The following CDC37L1 variants were observed in gnomAD, a reference collection of about 807,000 sequenced individuals.
CDC37L1 encodes the protein hsp90 co-chaperone Cdc37-like 1.
CDC37L1 carries 32 observed loss-of-function variants against 45.9 expected under a neutral mutation model. That is an observed-to-expected ratio of 0.70 (90% CI 0.53 to 0.94). CDC37L1 has a LOEUF of 0.94. CDC37L1 is among the 40% of genes least tolerant of loss of function. The pLI is 0.00. For synonymous variants in CDC37L1, 150 were observed against 133.0 expected, an observed-to-expected ratio of 1.13 and a Z score of -0.88; for missense variants, 434 against 405.7, an observed-to-expected ratio of 1.07 and a Z score of -0.60.
intron 6 of CDC37L1, among the ~76,000 whole-genome samples, chr9:4,702,753 G>T (rs185273625): frequency 4.0e-4 from 60 of 151,846 alleles, no homozygotes; most frequent in Admixed American, 7.2e-4. Flanking sequence ...GCCGGGCGTG[G>T]TGGCAGGCAC....
intron 3 of CDC37L1, among the ~76,000 whole-genome samples, chr9:4,690,864 G>C (rs935611337): frequency 6.6e-6 from 1 of 152,232 alleles, no homozygotes; most frequent in Non-Finnish European, 1.5e-5. Context: ...AAATGTTCAT[G>C]TGTTTTATTT....
chr9:4,699,307 TCA>T (rs1190473621), intron 5 of CDC37L1, among the ~76,000 whole-genome samples: 1 of 152,184 alleles, frequency 6.6e-6, no homozygotes, highest in Non-Finnish European at 1.5e-5. Context: ...AGGGAAATAC[TCA>T]CAGATTTTGT....
intron 2 of CDC37L1, among the ~76,000 whole-genome samples, chr9:4,686,155 T>C (rs1451656329): frequency 6.6e-6 from 1 of 152,102 alleles, no homozygotes; most frequent in Non-Finnish European, 1.5e-5. Flanking sequence ...TGGGCAACAG[T>C]GAAACACATC....
At chr9:4,694,228 C>G (rs554640429) in intron 3 of CDC37L1, among the ~76,000 whole-genome samples, 197 of 152,070 alleles carry the variant, frequency 1.3e-3, no homozygotes, top group African/African-American at 4.7e-3. Context: ...TACAAGTGTA[C>G]TCCGCCATGC....
chr9:4,681,082 C>A (rs947049884), intron 1 of CDC37L1, among the ~76,000 whole-genome samples: 1 of 152,000 alleles, frequency 6.6e-6, no homozygotes, highest in East Asian at 1.9e-4. Flanking sequence ...CTAGTGTCAT[C>A]TTTATATACA....
At chr9:4,687,678 C>CAAAAAAA (rs59932144) in intron 2 of CDC37L1, among the ~76,000 whole-genome samples, 2 of 58,390 alleles carry the variant, frequency 3.4e-5, no homozygotes, top group East Asian at 5.0e-4. Flanking sequence ...GACCCCATCT[C>CAAAAAAA]AAAAAAAAAA....
At position 4,681,318 on chromosome 9, in the gene CDC37L1, CT is replaced by C. The variant is rs1307556786; in HGVS notation, c.132+1420del. Among the ~76,000 whole-genome samples, 4 of 152,150 alleles carry C rather than the reference CT, an allele frequency of 2.6e-5. No homozygotes were observed. In the East Asian group the frequency reaches 5.8e-4, roughly 22 times the overall value. ...AGATTTTAGAAGTGAGTAAGCTTATCTCTCTCATTAAAAGTGTTTTCCCTGA... is the reference window on the plus strand; with the variant it reads ...AGATTTTAGAAGTGAGTAAGCTTATCCTCTCATTAAAAGTGTTTTCCCTGA... On this transcript the variant is annotated intron_variant, in intron 1 of 6. Coordinates refer to ENST00000381854, the MANE Select transcript of CDC37L1 (RefSeq NM_017913.4).
chr9:4,698,056 C>A (rs1231316579), intron 5 of CDC37L1, among the ~76,000 whole-genome samples, 177 bp downstream of exon 5: 1 of 152,032 alleles, frequency 6.6e-6, no homozygotes, highest in African/African-American at 2.4e-5. Context: ...CTTAAAAGAG[C>A]TATATAAGAG....
chr9:4,694,870 A>G (rs903297486), intron 3 of CDC37L1, among the ~76,000 whole-genome samples: 1 of 152,118 alleles, frequency 6.6e-6, no homozygotes, highest in African/African-American at 2.4e-5. Context: ...ACTCCATCTC[A>G]ACAAAAAGAA....
chr9:4,706,247 G>T lies in CDC37L1; in HGVS notation c.*135G>T. 4.3e-6 allele frequency: 2 copies of T among 469,244 alleles called. No individual in the cohort carries two copies. Among genetic ancestry groups the T allele is most frequent in the African/African-American group, 2.0e-5 (1 of 51,198 alleles). The allele number at this position is 469,244 out of a possible 1,614,324, so 29.1% of individuals were successfully genotyped here. ...GATGGGAGGGAAAGAGTACTGAAAT[G>T]TTTTGTAAATTTTTTTTAATGTGCT... On this transcript the variant is annotated 3_prime_UTR_variant, in exon 7 of 7. Transcript: ENST00000381854.
At chr9:4,686,773 A>C (rs1237529313) in intron 2 of CDC37L1, among the ~76,000 whole-genome samples, 1 of 152,218 alleles carries the variant, frequency 6.6e-6, no homozygotes, top group Admixed American at 6.5e-5. Context: ...CTAGATCTGC[A>C]CTATCCAACT....
In CDC37L1 at chr9:4,708,159, T is replaced by A. The variant is rs1057266099; in HGVS notation, c.*2047T>A. ...TACATAGTTAGCCGTACTTTAGTACTAGAAACAGTAAATTGACATCCTTGA... is the reference window on the plus strand; with the variant it reads ...TACATAGTTAGCCGTACTTTAGTACAAGAAACAGTAAATTGACATCCTTGA... On this transcript the variant is annotated 3_prime_UTR_variant, in exon 7 of 7. Coordinates refer to ENST00000381854, the MANE Select transcript of CDC37L1 (RefSeq NM_017913.4). 4 of 152,248 alleles carry A rather than the reference T, an allele frequency of 2.6e-5. No homozygotes were observed. The highest frequency in any genetic ancestry group is 5.9e-5 in the Non-Finnish European group (4 of 68,040). The allele number at this position is 152,248 out of a possible 1,614,324, so 9.4% of individuals were successfully genotyped here.
chr9:4,686,486 A>C (rs2130844556), intron 2 of CDC37L1, among the ~76,000 whole-genome samples: 1 of 151,116 alleles, frequency 6.6e-6, no homozygotes, highest in African/African-American at 2.4e-5. Flanking sequence ...TTTATATCCC[A>C]AAACTATTGA....
At chr9:4,694,119 C>T (rs1841325594) in intron 3 of CDC37L1, among the ~76,000 whole-genome samples, 1 of 152,204 alleles carries the variant, frequency 6.6e-6, no homozygotes, top group Non-Finnish European at 1.5e-5. Context: ...CATTTTCTGT[C>T]ACCCAGGCTG....
chr9:4,703,356 G>GAAA (rs113364976), intron 6 of CDC37L1: 10 of 181,358 alleles, frequency 5.5e-5, no homozygotes, highest in South Asian at 2.3e-4. Flanking sequence ...TACTCTGGCT[G>GAAA]AAAAAAAAAA....
At chr9:4,699,554 A>G (rs1236975544) in intron 5 of CDC37L1, among the ~76,000 whole-genome samples, 1 of 152,206 alleles carries the variant, frequency 6.6e-6, no homozygotes, top group Non-Finnish European at 1.5e-5. Flanking sequence ...TCTAGTATCA[A>G]TGTTCGTATT....
At chr9:4,689,367 A>G (rs1013321073) in intron 3 of CDC37L1, among the ~76,000 whole-genome samples, 11 of 151,730 alleles carry the variant, frequency 7.2e-5, no homozygotes, top group African/African-American at 2.7e-4. Flanking sequence ...TTTAGTAAAC[A>G]TGGTTTTTAT....
At chr9:4,698,338 C>A (rs979880034) in intron 5 of CDC37L1, among the ~76,000 whole-genome samples, 2 of 151,302 alleles carry the variant, frequency 1.3e-5, no homozygotes. Flanking sequence ...GTTAAAAATA[C>A]CCATGGTACA....
At chr9:4,685,548 C>T (rs1841239556) in intron 2 of CDC37L1, 1 of 158,630 alleles carries the variant, frequency 6.3e-6, no homozygotes, top group African/African-American at 2.4e-5. Context: ...ATGCAACTAC[C>T]TTCTTTTTAT....
Sources: allele counts gnomAD v4.1 joint callset (sites outside exome capture counted in the v4.1 genomes callset), GRCh38; gene constraint gnomAD v4.1.1; transcripts MANE v1.5; gene names NCBI Gene and HGNC (gene_info 2026-07-23, HGNC 2026-07-21).